The following GPC5 variants were observed in gnomAD, a reference collection of about 807,000 sequenced individuals.
GPC5 encodes the protein glypican-5.
A neutral mutation model predicts 53.9 loss-of-function variants in GPC5; 47 were observed. The observed-to-expected ratio is 0.87, with a 90% CI of 0.69 to 1.11. The LOEUF is 1.11. Ranked by LOEUF, GPC5 falls within the 50% of genes most tolerant of loss-of-function variation. The pLI is 0.00. For missense variants in GPC5, 748 were observed against 713.1 expected, an observed-to-expected ratio of 1.05 and a Z score of -0.56; for synonymous variants, 286 against 263.3, an observed-to-expected ratio of 1.09 and a Z score of -0.84.
intron 2 of GPC5, among the ~76,000 whole-genome samples, chr13:91,669,966 C>G (rs1041320255): frequency 2.0e-5 from 3 of 152,160 alleles, no homozygotes; most frequent in African/African-American, 7.2e-5. Flanking sequence ...TTGCTAAGAT[C>G]TCAAAACATC....
At chr13:92,113,265 G>A (rs1046691161) in intron 6 of GPC5, among the ~76,000 whole-genome samples, 1 of 152,038 alleles carries the variant, frequency 6.6e-6, no homozygotes, top group South Asian at 2.1e-4. Flanking sequence ...CAGTTACAAA[G>A]TCTTGTGTGT....
At chr13:91,418,109 C>A (rs918057157) in intron 1 of GPC5, among the ~76,000 whole-genome samples, 2 of 152,082 alleles carry the variant, frequency 1.3e-5, no homozygotes, top group Admixed American at 1.3e-4. Context: ...GTACCGCCTG[C>A]CCATCAGTCA....
chr13:92,567,349 G>A (rs750699103), intron 7 of GPC5, among the ~76,000 whole-genome samples: 8 of 152,020 alleles, frequency 5.3e-5, no homozygotes, highest in African/African-American at 1.2e-4. Flanking sequence ...GACCCAGTTC[G>A]ACACAAAATT....
chr13:92,548,924 A>G (rs1882216082), intron 7 of GPC5, among the ~76,000 whole-genome samples: 1 of 152,164 alleles, frequency 6.6e-6, no homozygotes, highest in Non-Finnish European at 1.5e-5. Context: ...AAAAATAAAA[A>G]CAATAAAAAG....
intron 3 of GPC5, among the ~76,000 whole-genome samples, chr13:91,703,097 G>A (rs908393967): frequency 1.3e-5 from 2 of 151,934 alleles, no homozygotes; most frequent in African/African-American, 2.4e-5. Flanking sequence ...AGGGTTTTCT[G>A]TAAATAAGAT....
At chr13:92,207,226 G>A (rs142525518) in intron 7 of GPC5, among the ~76,000 whole-genome samples, 60 of 152,226 alleles carry the variant, frequency 3.9e-4, no homozygotes, top group African/African-American at 1.4e-3. Flanking sequence ...CTAGAAAGCT[G>A]GTGGATTGTC....
chr13:91,679,269 G>T (rs2035453638), intron 2 of GPC5, among the ~76,000 whole-genome samples: 1 of 152,144 alleles, frequency 6.6e-6, no homozygotes, highest in East Asian at 1.9e-4. Context: ...CATGAGAACA[G>T]CTATTGATGA....
intron 7 of GPC5, among the ~76,000 whole-genome samples, chr13:92,160,339 T>A (rs1442750029): frequency 3.3e-5 from 5 of 152,206 alleles, no homozygotes; most frequent in Non-Finnish European, 7.3e-5. Flanking sequence ...CTGTGTAAAG[T>A]TAAACCAAAA....
chr13:91,770,545 G>A (rs760226728), intron 5 of GPC5, among the ~76,000 whole-genome samples: 1 of 152,126 alleles, frequency 6.6e-6, no homozygotes, highest in Non-Finnish European at 1.5e-5. Flanking sequence ...GAGGATTTAG[G>A]AGGAATGTGT....
chr13:92,011,524 A>T (rs2040661357), intron 6 of GPC5, among the ~76,000 whole-genome samples: 1 of 152,156 alleles, frequency 6.6e-6, no homozygotes, highest in African/African-American at 2.4e-5. Flanking sequence ...TAAGCTTGTG[A>T]TTCATTAATA....
intron 7 of GPC5, among the ~76,000 whole-genome samples, chr13:92,310,704 T>A (rs2043139767): frequency 6.6e-6 from 1 of 152,210 alleles, no homozygotes; most frequent in African/African-American, 2.4e-5. Context: ...TTTTCTATTT[T>A]AAAACTTTTA....
At chr13:91,975,839 C>T (rs979895931) in intron 6 of GPC5, among the ~76,000 whole-genome samples, 1 of 152,150 alleles carries the variant, frequency 6.6e-6, no homozygotes, top group Non-Finnish European at 1.5e-5. Flanking sequence ...TATTGCGGCA[C>T]TATTCACACT....
At chr13:92,756,523 A>G (rs1344183048) in intron 7 of GPC5, among the ~76,000 whole-genome samples, 1 of 152,062 alleles carries the variant, frequency 6.6e-6, no homozygotes, top group Non-Finnish European at 1.5e-5. Context: ...TTCAATTAGG[A>G]AAACAGGAAG....
intron 1 of GPC5, among the ~76,000 whole-genome samples, chr13:91,410,319 A>G (rs1294450183): frequency 2.0e-5 from 3 of 150,802 alleles, no homozygotes; most frequent in Non-Finnish European, 4.4e-5. Flanking sequence ...CAGAGAAATC[A>G]TAGTAGAATC....
intron 7 of GPC5, among the ~76,000 whole-genome samples, chr13:92,826,351 G>C (rs1030555138): frequency 6.6e-6 from 1 of 152,036 alleles, no homozygotes; most frequent in Non-Finnish European, 1.5e-5. Flanking sequence ...CCATGAGTTC[G>C]GCAGCTGTGA....
chr13:92,267,945 A>C (rs1001786214), intron 7 of GPC5, among the ~76,000 whole-genome samples: 15 of 152,082 alleles, frequency 9.9e-5, no homozygotes, highest in African/African-American at 3.4e-4. Context: ...TTTATCTCAC[A>C]GTTATATTTT....
intron 7 of GPC5, among the ~76,000 whole-genome samples, chr13:92,423,125 T>C (rs1230367502): frequency 6.6e-6 from 1 of 152,166 alleles, no homozygotes; most frequent in East Asian, 1.9e-4. Flanking sequence ...AAGGGCTCTC[T>C]AAGGTTTCCT....
chr13:92,619,939 C>A (rs547441530), intron 7 of GPC5, among the ~76,000 whole-genome samples: 1 of 152,080 alleles, frequency 6.6e-6, no homozygotes, highest in African/African-American at 2.4e-5. Flanking sequence ...AATCTACAAT[C>A]AGAGGACAGT....
chr13:91,571,365 T>A (rs1157480163), intron 2 of GPC5, among the ~76,000 whole-genome samples: 4 of 152,134 alleles, frequency 2.6e-5, no homozygotes. Context: ...GGGGAAAAGA[T>A]CTGGTCATTA....
Sources: allele counts gnomAD v4.1 joint callset (sites outside exome capture counted in the v4.1 genomes callset), GRCh38; gene constraint gnomAD v4.1.1; transcripts MANE v1.5; gene names NCBI Gene and HGNC (gene_info 2026-07-23, HGNC 2026-07-21).